F10: variants seen among roughly 807,000 people sequenced by gnomAD.
F10 encodes the protein coagulation factor X, also known as Stuart-Prower factor.
F10 carries 29 observed loss-of-function variants against 37.1 expected under a neutral mutation model. The observed-to-expected ratio is 0.78, with a 90% CI of 0.58 to 1.07. F10 has a LOEUF of 1.07. Among genes scored for constraint, F10 ranks in the 50% least tolerant of loss-of-function variants. The pLI is 0.00. For synonymous variants in F10, 262 were observed against 268.6 expected (o/e 0.98, Z 0.24); for missense variants, 539 against 667.9 (o/e 0.81, Z 2.13).
chr13:113,132,891 T>C (rs2036446889), intron 2 of F10, among the ~76,000 whole-genome samples: 1 of 152,354 alleles, frequency 6.6e-6, no homozygotes, highest in African/African-American at 2.4e-5. Flanking sequence ...ACATAAAGTA[T>C]GTTTTCTGAC....
Position 113,139,373 on chromosome 13 carries a change from G to C in F10, c.273G>C (p.Glu91Asp). Residue 91 changes from glutamate to aspartate, a missense_variant, in exon 4 of 8, where the codon GAG (glutamate) becomes GAC (aspartate). Coordinates refer to ENST00000375559, the MANE Select transcript of F10 (RefSeq NM_000504.4). This position sits in a 1 kb window ranked among gnomAD's most constrained non-coding sequence, Gnocchi z 5.2. ...TCTTTGCAGATGGCGACCAGTGTGA[G>C]ACCAGTCCTTGCCAGAACCAGGGCA... Reference protein sequence around the residue: ...WNKYKDGDQCETSPCQNQGKC... With the variant: ...WNKYKDGDQCDTSPCQNQGKC... 3.7e-6 allele frequency: 6 copies of C among 1,613,904 alleles called. No homozygotes were observed. The highest frequency in any genetic ancestry group is 5.1e-6 in the Non-Finnish European group (6 of 1,179,848).
rs2036549047 is a variant in F10 at position 113,143,223 on chromosome 13, C to T, written c.503-628C>T. On this transcript the variant is annotated intron_variant, in intron 5 of 7. Coordinates refer to ENST00000375559, the MANE Select transcript of F10 (RefSeq NM_000504.4). The surrounding 1 kb of genome is among the most constrained non-coding windows in gnomAD (Gnocchi z 6.8). ...CTTCCTCCAACATGTTTCAGCCATT[C>T]TCTTGGCCTTGGTGCCCTAATTGGC... Among the ~76,000 whole-genome samples the T allele has an allele frequency of 6.6e-6, 1 of 151,898 alleles. No individual in the cohort carries two copies. The highest frequency in any genetic ancestry group is 6.6e-5 in the Admixed American group (1 of 15,248).
intron 1 of F10, among the ~76,000 whole-genome samples, chr13:113,123,133 C>A (rs963871936): frequency 1.3e-5 from 2 of 152,010 alleles, no homozygotes; most frequent in African/African-American, 2.4e-5. Flanking sequence ...GTCAGACGGG[C>A]GGATCAGAGG....
Position 113,139,576 on chromosome 13 carries a change from C to A in F10, c.370+106C>A. 1.1e-6 allele frequency: 1 copy of A among 873,660 alleles called. No individual in the cohort carries two copies. The allele number at this position is 873,660 out of a possible 1,614,324, so 54.1% of individuals were successfully genotyped here. On this transcript the variant is annotated intron_variant, in intron 4 of 7. Transcript: ENST00000375559. The surrounding 1 kb of genome is among the most constrained non-coding windows in gnomAD (Gnocchi z 5.2). ...CTAATGAAACAATCTTAAGTCATTT[C>A]TGATTTACAAAGTCTGGGCTCTATT...
At chr13:113,148,887 C>G in intron 7 of F10, 29 bp from the exon 8 acceptor site, 1 of 1,607,366 alleles carries the variant, frequency 6.2e-7, no homozygotes, top group Admixed American at 1.7e-5. Context: ...CCTGGCTGAG[C>G]TGAGCACAGT....
At position 113,149,494 on chromosome 13, in the gene F10, A is replaced by G. The variant is rs1477090805; in HGVS notation, c.1444A>G (p.Ile482Val). Residue 482 changes from isoleucine to valine, a missense_variant, in exon 8 of 8, where the codon ATA (isoleucine) becomes GTA (valine). Coordinates refer to ENST00000375559, the MANE Select transcript of F10 (RefSeq NM_000504.4). The surrounding 1 kb of genome is among the most constrained non-coding windows in gnomAD (Gnocchi z 7.5). ...PKAKSHAPEV[I>V]TSSPLK Reference sequence around the variant, plus strand: ...GGCCAAGAGCCATGCCCCGGAGGTCATAACGTCCTCTCCATTAAAGTGAGA... The same window carrying G: ...GGCCAAGAGCCATGCCCCGGAGGTCGTAACGTCCTCTCCATTAAAGTGAGA... 6 of 1,613,194 alleles carry G rather than the reference A, an allele frequency of 3.7e-6. No individual in the cohort carries two copies. Among genetic ancestry groups the G allele is most frequent in the Non-Finnish European group, 5.1e-6 (6 of 1,180,036 alleles).
chr13:113,140,801 GCT>G, intron 4 of F10, 116 bp from the exon 5 acceptor site: 3 of 1,512,572 alleles, frequency 2.0e-6, no homozygotes, highest in Non-Finnish European at 2.7e-6. Flanking sequence ...CTGGCCCTTT[GCT>G]CAACCCAATG....
intron 4 of F10, chr13:113,140,674 G>A (rs753980016): frequency 1.4e-4 from 93 of 680,908 alleles, no homozygotes; most frequent in Non-Finnish European, 2.1e-4. Context: ...CGGCCATCCC[G>A]GAGGTGTGAG....
At chr13:113,137,429 G>T (rs1365020080) in intron 2 of F10, among the ~76,000 whole-genome samples, 1 of 152,200 alleles carries the variant, frequency 6.6e-6, no homozygotes, top group Non-Finnish European at 1.5e-5. Flanking sequence ...GGTGGCTACA[G>T]AAGTCTCTCC....
intron 7 of F10, among the ~76,000 whole-genome samples, chr13:113,148,573 G>A (rs576248443): frequency 2.0e-5 from 3 of 152,028 alleles, no homozygotes; most frequent in African/African-American, 4.8e-5. Context: ...CTCAGCCAGC[G>A]GCCACACCGC....
intron 7 of F10, 104 bp from the exon 8 acceptor site, chr13:113,148,812 C>T: frequency 1.3e-6 from 2 of 1,509,736 alleles, no homozygotes; most frequent in South Asian, 1.3e-5. Flanking sequence ...TGATCACGTG[C>T]CATTTTTAAT....
Position 113,141,480 on chromosome 13 carries a change from G to A in F10, c.502+430G>A, listed in dbSNP as rs747900470. On this transcript the variant is annotated intron_variant, in intron 5 of 7. Transcript: ENST00000375559. The surrounding 1 kb of genome is among the most constrained non-coding windows in gnomAD (Gnocchi z 5.4). ...GCCCGAGGAACTGGAGCTAAGGTGC[G>A]GGGCTGGGATAGGAGTCAGGGGACG... Among the ~76,000 whole-genome samples, 5 of 152,168 alleles carry A rather than the reference G, an allele frequency of 3.3e-5. No homozygotes were observed. Among genetic ancestry groups the A allele is most frequent in the Non-Finnish European group, 7.4e-5 (5 of 68,026 alleles).
intron 6 of F10, among the ~76,000 whole-genome samples, chr13:113,145,489 T>C (rs771448551): frequency 6.7e-6 from 1 of 150,136 alleles, no homozygotes; most frequent in Non-Finnish European, 1.5e-5. Flanking sequence ...ATACTTTCAG[T>C]GTAAGTATGT....
intron 2 of F10, among the ~76,000 whole-genome samples, chr13:113,135,956 A>G (rs1381047738): frequency 6.6e-6 from 1 of 152,126 alleles, no homozygotes; most frequent in African/African-American, 2.4e-5. Flanking sequence ...GGATGAAAAT[A>G]CAAGCTACAA....
chr13:113,129,311 T>C, intron 1 of F10, 141 bp from the exon 2 acceptor site: 12 of 1,079,726 alleles, frequency 1.1e-5, no homozygotes, highest in Non-Finnish European at 1.5e-5. Flanking sequence ...GGGCTTAGAA[T>C]TTTATTTTTG....
At position 113,129,553 on chromosome 13, in the gene F10, A is replaced by G; in HGVS notation, c.172A>G (p.Met58Val). Residue 58 changes from methionine to valine, a missense_variant, in exon 2 of 8, where the codon ATG becomes GTG. This residue lies in a region of F10 where 130 missense variants were observed against 120.0 expected (regional missense o/e 1.08). Coordinates refer to ENST00000375559, the MANE Select transcript of F10 (RefSeq NM_000504.4). ...GAAAGGACACCTCGAAAGAGAGTGCATGGAAGAGACCTGCTCATACGAAGA... is the reference window on the plus strand; with the variant it reads ...GAAAGGACACCTCGAAAGAGAGTGCGTGGAAGAGACCTGCTCATACGAAGA... Reference protein sequence around the residue: ...MKKGHLERECMEETCSYEEAR... With the variant: ...MKKGHLERECVEETCSYEEAR... 1 of 1,614,214 alleles carries G rather than the reference A, an allele frequency of 6.2e-7. No individual in the cohort carries two copies. Among genetic ancestry groups the G allele is most frequent in the Non-Finnish European group, 8.5e-7 (1 of 1,180,036 alleles).
At chr13:113,138,415 T>C (rs774451829) in intron 2 of F10, 42 bp from the exon 3 acceptor site, 1 of 994,626 alleles carries the variant, frequency 1.0e-6, no homozygotes. Flanking sequence ...AAAATGTCTC[T>C]GTTTTCCCTA....
chr13:113,141,927 C>A lies in F10; in HGVS notation c.502+877C>A, dbSNP rs2036532183. Among the ~76,000 whole-genome samples, 1 of 152,196 alleles carries A rather than the reference C, an allele frequency of 6.6e-6. No individual in the cohort carries two copies. The highest frequency in any genetic ancestry group is 1.9e-4 in the East Asian group (1 of 5,202). ...GGCTCAGCCCCCAGACCGTGTTCTGCCCCCGGCTACCATGACTGTCCCCTC... is the reference window on the plus strand; with the variant it reads ...GGCTCAGCCCCCAGACCGTGTTCTGACCCCGGCTACCATGACTGTCCCCTC... On this transcript the variant is annotated intron_variant, in intron 5 of 7. Coordinates refer to ENST00000375559, the MANE Select transcript of F10 (RefSeq NM_000504.4). The surrounding 1 kb of genome is among the most constrained non-coding windows in gnomAD (Gnocchi z 5.4).
At chr13:113,148,392 A>ATG (rs2036605365) in intron 7 of F10, among the ~76,000 whole-genome samples, 2 of 19,438 alleles carry the variant, frequency 1.0e-4, no homozygotes, top group Non-Finnish European at 4.1e-4. Flanking sequence ...ATATATATAC[A>ATG]TATATATACA....
Sources: gnomAD v4.1 joint callset for allele counts (sites outside exome capture counted in the v4.1 genomes callset) on GRCh38, gnomAD v4.1.1 for gene constraint, gnomAD v4.1.1 regional missense constraint, Gnocchi (gnomAD v3.1) non-coding constraint, MANE v1.5 for transcripts, NCBI Gene and HGNC (gene_info 2026-07-23, HGNC 2026-07-21) for gene names.